MTMR12: variants seen among roughly 807,000 people sequenced by gnomAD.
The protein encoded by MTMR12 is myotubularin-related protein 12.
In MTMR12, 33 loss-of-function variants were observed where a neutral mutation model predicts 96.7. The ratio of observed to expected loss-of-function variants is 0.34; its 90% CI spans 0.26 to 0.46. The LOEUF (loss-of-function observed/expected upper bound fraction) is 0.46. Ranked by LOEUF, MTMR12 falls within the 20% of genes least tolerant of loss-of-function variation. The pLI, the probability that MTMR12 is intolerant of heterozygous loss-of-function variation, is 1.00. For missense variants in MTMR12, 721 were observed against 896.1 expected (o/e 0.80, Z 2.49); for synonymous variants, 298 against 327.2 (o/e 0.91, Z 0.96).
chr5:32,295,923 G>A (rs2112142011), intron 1 of MTMR12, among the ~76,000 whole-genome samples: 1 of 152,182 alleles, frequency 6.6e-6, no homozygotes, highest in East Asian at 1.9e-4. Flanking sequence ...GGAGGCCAAG[G>A]CGGGCAGATC....
intron 7 of MTMR12, among the ~76,000 whole-genome samples, chr5:32,257,835 C>T (rs942579593): frequency 1.3e-4 from 20 of 152,044 alleles, no homozygotes; most frequent in African/African-American, 4.1e-4. Flanking sequence ...TGGTAGCTCA[C>T]ATTGTAATAT....
At position 32,310,873 on chromosome 5, in the gene MTMR12, C is replaced by A. The variant is rs1344479541; in HGVS notation, c.81+1885G>T. On this transcript the variant is annotated intron_variant, in intron 1 of 15. Transcript: ENST00000382142. ...ATTGTATGCCTGTATCCAAAGATTT[C>A]TTTCTTTTTTTTTTTTTTGAGATGG... 3.6e-5 allele frequency among the ~76,000 whole-genome samples: 5 copies of A among 138,694 alleles called. 1 individual carries two copies. In the Admixed American group the frequency reaches 3.6e-4, roughly 10 times the overall value. The allele number at this position is 138,694 out of a possible 152,430, so 91.0% of individuals were successfully genotyped here. A position where few individuals can be genotyped will look rare whatever the true frequency, so the allele number is the denominator to read the frequency against.
intron 11 of MTMR12, among the ~76,000 whole-genome samples, chr5:32,243,019 T>G (rs1009176097): frequency 6.6e-6 from 1 of 152,178 alleles, no homozygotes; most frequent in Non-Finnish European, 1.5e-5. Flanking sequence ...ATCCTCTATT[T>G]AATGGCAACA....
At chr5:32,244,293 A>G (rs1157404674) in intron 10 of MTMR12, among the ~76,000 whole-genome samples, 1 of 125,230 alleles carries the variant, frequency 8.0e-6, no homozygotes, top group Non-Finnish European at 1.6e-5. Flanking sequence ...AAATGAAAAG[A>G]AAAAAAAAAA....
In MTMR12 at chr5:32,233,737, G is replaced by A. The variant is rs749037095; in HGVS notation, c.1674+36C>T. 3 of 1,613,914 alleles carry A rather than the reference G, an allele frequency of 1.9e-6. No homozygotes were observed. The highest frequency in any genetic ancestry group is 1.1e-5 in the South Asian group (1 of 91,076). ...TTATCATTACATGCACGGGGTCTGGGCAGCTGAAGGGGGTTTAGACATGTG... is the reference window on the plus strand; with the variant it reads ...TTATCATTACATGCACGGGGTCTGGACAGCTGAAGGGGGTTTAGACATGTG... On this transcript the variant is annotated intron_variant, in intron 15 of 15. Coordinates refer to ENST00000382142, the MANE Select transcript of MTMR12 (RefSeq NM_001040446.3). This position sits in a 1 kb window ranked among gnomAD's most constrained non-coding sequence, Gnocchi z 5.0.
chr5:32,227,653 T>G lies in MTMR12; in HGVS notation c.*2125A>C, dbSNP rs1258352364. The G allele has an allele frequency of 1.3e-5, 2 of 152,632 alleles. No homozygotes were observed. The highest frequency in any genetic ancestry group is 2.9e-5 in the Non-Finnish European group (2 of 68,036). 9.5% of individuals were successfully genotyped at this position (152,632 alleles called of 1,614,324 possible). On this transcript the variant is annotated 3_prime_UTR_variant, in exon 16 of 16. Coordinates refer to ENST00000382142, the MANE Select transcript of MTMR12 (RefSeq NM_001040446.3). ...GTTATAACGTGGTAACAAAAATAGC[T>G]CCATAGCATATTTGGGAGGCAATGG...
rs776517474 is a variant in MTMR12 at position 32,243,472 on chromosome 5, T to TG, written c.1100+48dup. 28 of 1,338,058 alleles carry TG rather than the reference T, an allele frequency of 2.1e-5. No homozygotes were observed. In the East Asian group the frequency reaches 6.5e-4, roughly 31 times the overall value. 82.9% of individuals were successfully genotyped at this position (1,338,058 alleles called of 1,614,324 possible). A position where few individuals can be genotyped will look rare whatever the true frequency, so the allele number is the denominator to read the frequency against. Reference sequence around the variant, plus strand: ...TATTTGTCGGTTTGATCTACTACCCTGAGTTATACAATTACAAAATTCATG... The same window carrying TG: ...TATTTGTCGGTTTGATCTACTACCCTGGAGTTATACAATTACAAAATTCATG... On this transcript the variant is annotated intron_variant, in intron 11 of 15. Coordinates refer to ENST00000382142, the MANE Select transcript of MTMR12 (RefSeq NM_001040446.3).
At chr5:32,276,797 A>C (rs1300087378) in intron 1 of MTMR12, 55 bp from the exon 2 acceptor site, 1 of 1,433,730 alleles carries the variant, frequency 7.0e-7, no homozygotes, top group Non-Finnish European at 9.8e-7. Context: ...AAAATGAATA[A>C]CATTAAGCCA....
rs1045279679 is a variant in MTMR12 at position 32,261,172 on chromosome 5, G to A, written c.713+1941C>T. On this transcript the variant is annotated intron_variant, in intron 7 of 15. Transcript: ENST00000382142. ...CACTTGAACCCAGGAGGCAGAGGTTGCGGTGAGCCGAGATAGCACCACTGC... is the reference window on the plus strand; with the variant it reads ...CACTTGAACCCAGGAGGCAGAGGTTACGGTGAGCCGAGATAGCACCACTGC... Among the ~76,000 whole-genome samples the A allele has an allele frequency of 2.0e-5, 3 of 151,924 alleles. 1 individual carries two copies. The highest frequency in any genetic ancestry group is 4.4e-5 in the Non-Finnish European group (3 of 67,988).
chr5:32,307,486 C>T (rs1177377718), intron 1 of MTMR12, among the ~76,000 whole-genome samples: 1 of 152,160 alleles, frequency 6.6e-6, no homozygotes, highest in Non-Finnish European at 1.5e-5. Flanking sequence ...TTCATCTCAA[C>T]TTTCAGAGCC....
intron 9 of MTMR12, 111 bp from the exon 10 acceptor site, chr5:32,248,237 A>C: frequency 3.3e-6 from 4 of 1,210,274 alleles, no homozygotes; most frequent in South Asian, 1.5e-5. Flanking sequence ...CTCCCATTTA[A>C]TCTTCACCTA....
chr5:32,266,861 C>T (rs1241284949), intron 6 of MTMR12, among the ~76,000 whole-genome samples: 2 of 151,132 alleles, frequency 1.3e-5, no homozygotes, highest in African/African-American at 2.5e-5. Context: ...AGGAGGATCA[C>T]GAGATCAGGA....
intron 6 of MTMR12, among the ~76,000 whole-genome samples, chr5:32,267,291 G>T (rs1041501922): frequency 1.3e-5 from 2 of 150,840 alleles, no homozygotes; most frequent in Non-Finnish European, 1.5e-5. Flanking sequence ...TGGGAGAATT[G>T]CTTGAACCCG....
intron 6 of MTMR12, among the ~76,000 whole-genome samples, chr5:32,264,230 G>T (rs1255830749): frequency 2.6e-5 from 4 of 151,928 alleles, no homozygotes; most frequent in African/African-American, 9.7e-5. Context: ...CTGCTTGCCG[G>T]GTATTTATAC....
chr5:32,246,437 A>G (rs1180370681), intron 10 of MTMR12, among the ~76,000 whole-genome samples: 2 of 152,212 alleles, frequency 1.3e-5, no homozygotes, highest in Non-Finnish European at 2.9e-5. Flanking sequence ...GCTGGATTAC[A>G]GGCATGAGCC....
intron 7 of MTMR12, among the ~76,000 whole-genome samples, chr5:32,256,100 G>C (rs1749121068): frequency 6.6e-6 from 1 of 152,116 alleles, no homozygotes; most frequent in Non-Finnish European, 1.5e-5. Context: ...TCTGAAATTG[G>C]GAGTATTGTT....
At chr5:32,296,344 T>C (rs1750922781) in intron 1 of MTMR12, 2 of 166,468 alleles carry the variant, frequency 1.2e-5, no homozygotes, top group African/African-American at 4.8e-5. Context: ...CCTGGGCATG[T>C]TGTGTGTACC....
At chr5:32,306,724 T>A (rs1452301910) in intron 1 of MTMR12, among the ~76,000 whole-genome samples, 1 of 152,186 alleles carries the variant, frequency 6.6e-6, no homozygotes, top group African/African-American at 2.4e-5. Context: ...ACTGTGTCCG[T>A]GGGCAAGATA....
chr5:32,231,551 C>T (rs960521341), intron 15 of MTMR12, among the ~76,000 whole-genome samples: 5 of 152,148 alleles, frequency 3.3e-5, no homozygotes, highest in Non-Finnish European at 7.3e-5. Flanking sequence ...TTTTCAGGTT[C>T]ACTCTAAAAC....
Sources: gnomAD v4.1 joint callset for allele counts (sites outside exome capture counted in the v4.1 genomes callset) on GRCh38, gnomAD v4.1.1 for gene constraint, Gnocchi (gnomAD v3.1) non-coding constraint, MANE v1.5 for transcripts, NCBI Gene and HGNC (gene_info 2026-07-23, HGNC 2026-07-21) for gene names.